Variants in NEBL observed in about 807,000 individuals in gnomAD.
The protein encoded by NEBL is nebulette.
NEBL carries 122 observed loss-of-function variants against 140.2 expected under a neutral mutation model. The ratio of observed to expected loss-of-function variants is 0.87; its 90% CI spans 0.75 to 1.01. The LOEUF is 1.01. NEBL is among the 50% of genes least tolerant of loss of function. The probability of loss-of-function intolerance (pLI) is 0.00; values close to 1 mark genes in which losing one functional copy is unlikely to be tolerated. For missense variants in NEBL, 1,365 were observed against 1,231.3 expected (o/e 1.11, Z -1.62); for synonymous variants, 436 against 398.9 (o/e 1.09, Z -1.11).
chr10:21,277,081 A>T (rs1842933818), intron 1 of NEBL, among the ~76,000 whole-genome samples: 1 of 152,056 alleles, frequency 6.6e-6, no homozygotes, highest in Non-Finnish European at 1.5e-5. Context: ...GTGAGTCATG[A>T]TGACACTACT....
rs539232756 is a variant in NEBL, at chr10:20,843,228, G to A, written c.1227+2030C>T. ...ACAGTACAAAGGTGTCTGCAAGCCGGTAAGAGGGCCCTCGCTAAGAATCAA... is the reference window on the plus strand; with the variant it reads ...ACAGTACAAAGGTGTCTGCAAGCCGATAAGAGGGCCCTCGCTAAGAATCAA... On this transcript the variant is annotated intron_variant, in intron 12 of 27. Transcript: ENST00000377122. 7.2e-5 allele frequency among the ~76,000 whole-genome samples: 11 copies of A among 151,994 alleles called. No homozygotes were observed. The South Asian group carries it at 1.5e-3, about 20-fold the overall frequency.
chr10:21,110,831 T>G, intron 2 of NEBL: 1 of 611,966 alleles, frequency 1.6e-6, no homozygotes, highest in Non-Finnish European at 3.1e-6. Context: ...GAATTGCACA[T>G]TGTTGAAGCA....
intron 2 of NEBL, among the ~76,000 whole-genome samples, chr10:21,117,941 C>T (rs1158861687): frequency 6.6e-6 from 1 of 152,088 alleles, no homozygotes; most frequent in East Asian, 1.9e-4. Context: ...TATTTCTTAC[C>T]TACCTCGGGG....
At chr10:21,046,687 G>A (rs1022965414) in intron 2 of NEBL, among the ~76,000 whole-genome samples, 2 of 152,036 alleles carry the variant, frequency 1.3e-5, no homozygotes, top group Admixed American at 6.6e-5. Flanking sequence ...TGCAAGCTCC[G>A]CCTACCGGGT....
Position 21,049,043 on chromosome 10 carries a change from G to T in NEBL, c.165-28842C>A, listed in dbSNP as rs545092587. 4.6e-5 allele frequency among the ~76,000 whole-genome samples: 7 copies of T among 152,170 alleles called. No homozygotes were observed. The East Asian group carries it at 1.4e-3, about 29-fold the overall frequency. ...AAATAAATAAAAAGACTGTCTAGAA[G>T]AATAATTCCTTCTTCTTTGCAAGAA... On this transcript the variant is annotated intron_variant, in intron 2 of 6. Coordinates refer to the NEBL transcript ENST00000417816.
intron 2 of NEBL, among the ~76,000 whole-genome samples, chr10:21,156,696 C>A (rs1840349843): frequency 6.6e-6 from 1 of 151,914 alleles, no homozygotes; most frequent in Non-Finnish European, 1.5e-5. Flanking sequence ...TCCTTCATTG[C>A]TTAATAAAAT....
At chr10:21,228,553 A>G (rs1842203837) in intron 3 of NEBL, among the ~76,000 whole-genome samples, 1 of 152,172 alleles carries the variant, frequency 6.6e-6, no homozygotes, top group South Asian at 2.1e-4. Flanking sequence ...TTGCTCTCTA[A>G]AGACAGGTAA....
At chr10:20,956,212 A>G (rs921352140) in intron 4 of NEBL, among the ~76,000 whole-genome samples, 1 of 152,206 alleles carries the variant, frequency 6.6e-6, no homozygotes, top group Admixed American at 6.5e-5. Flanking sequence ...CATTTCTCAC[A>G]TGAAAGTATA....
At chr10:21,012,968 T>C (rs772623127) in intron 3 of NEBL, among the ~76,000 whole-genome samples, 4 of 152,136 alleles carry the variant, frequency 2.6e-5, no homozygotes, top group Admixed American at 6.5e-5. Flanking sequence ...GTCCCTGTGA[T>C]TAAAGGGTCG....
chr10:20,935,699 G>C (rs1252348490), intron 4 of NEBL, among the ~76,000 whole-genome samples: 1 of 152,124 alleles, frequency 6.6e-6, no homozygotes, highest in Non-Finnish European at 1.5e-5. Context: ...AAATAATCTT[G>C]ATGCTTATCA....
chr10:20,868,966 T>C (rs540425987), intron 6 of NEBL, among the ~76,000 whole-genome samples: 17 of 152,196 alleles, frequency 1.1e-4, no homozygotes, highest in Non-Finnish European at 2.1e-4. Flanking sequence ...CTTTTTGCAG[T>C]AAAATAATTA....
rs145185081 is a variant in NEBL, at chr10:21,041,911, G to C, written c.165-21710C>G. Among the ~76,000 whole-genome samples the C allele has an allele frequency of 7.7e-4, 118 of 152,282 alleles. 1 individual carries two copies. Among genetic ancestry groups the C allele is most frequent in the African/African-American group, 2.4e-3 (100 of 41,560 alleles). On this transcript the variant is annotated intron_variant, in intron 2 of 6. Coordinates refer to the NEBL transcript ENST00000417816. ...TTGTAAACTGTCATGGTGCTGGTGGGAGTGTCTTTTAGCATTCTAATGCAT... is the reference window on the plus strand; with the variant it reads ...TTGTAAACTGTCATGGTGCTGGTGGCAGTGTCTTTTAGCATTCTAATGCAT...
At chr10:21,273,602 T>A (rs1445984104) in intron 1 of NEBL, among the ~76,000 whole-genome samples, 1 of 152,140 alleles carries the variant, frequency 6.6e-6, no homozygotes, top group African/African-American at 2.4e-5. Context: ...CTGCCAAGTG[T>A]TGCTCTGTGG....
chr10:21,103,697 G>A lies in NEBL; in HGVS notation c.164+68686C>T, dbSNP rs937893889. ...TTTCAAGAGTTCTTTATATATGTGT[G>A]ATACATATTTTGCAAATATTTTCTC... On this transcript the variant is annotated intron_variant, in intron 2 of 6. Coordinates refer to the NEBL transcript ENST00000417816. Among the ~76,000 whole-genome samples, 16 of 151,948 alleles carry A rather than the reference G, an allele frequency of 1.1e-4. 1 individual carries two copies. Among genetic ancestry groups the A allele is most frequent in the African/African-American group, 3.9e-4 (16 of 41,310 alleles).
chr10:20,813,704 G>A, intron 23 of NEBL: 1 of 516,178 alleles, frequency 1.9e-6, no homozygotes, highest in East Asian at 3.4e-5. Context: ...TGAGTTTACA[G>A]TAGTCACGTT....
intron 1 of NEBL, among the ~76,000 whole-genome samples, chr10:21,252,325 A>C (rs1174129755): frequency 2.6e-5 from 4 of 152,250 alleles, no homozygotes; most frequent in Non-Finnish European, 4.4e-5. Context: ...CCCTGGCAGA[A>C]TATGTGGAAA....
chr10:21,226,208 G>A (rs897507793), intron 3 of NEBL, among the ~76,000 whole-genome samples: 1 of 151,958 alleles, frequency 6.6e-6, no homozygotes, highest in African/African-American at 2.4e-5. Flanking sequence ...TGGGGCCTCA[G>A]GACTCTGCCT....
At chr10:20,926,751 G>C (rs1833933357) in intron 4 of NEBL, among the ~76,000 whole-genome samples, 1 of 152,208 alleles carries the variant, frequency 6.6e-6, no homozygotes, top group African/African-American at 2.4e-5. Context: ...GGCACATCCA[G>C]CTGAAGAGTG....
intron 12 of NEBL, 101 bp from the exon 13 acceptor site, chr10:20,840,950 T>C: frequency 1.3e-6 from 1 of 747,040 alleles, no homozygotes; most frequent in Non-Finnish European, 2.3e-6. Flanking sequence ...GAGAAAATAT[T>C]ACTAGGAAGG....
Sources: gnomAD v4.1 joint callset for allele counts (sites outside exome capture counted in the v4.1 genomes callset) on GRCh38, gnomAD v4.1.1 for gene constraint, MANE v1.5 for transcripts, NCBI Gene and HGNC (gene_info 2026-07-23, HGNC 2026-07-21) for gene names.